LBH: variants seen among roughly 807,000 people sequenced by gnomAD.
The protein encoded by LBH is protein LBH.
LBH carries 7 observed loss-of-function variants against 12.5 expected under a neutral mutation model. The observed-to-expected ratio is 0.56, with a 90% confidence interval of 0.32 to 1.05. LBH has a LOEUF of 1.05. Ranked by LOEUF, LBH falls within the 50% of genes least tolerant of loss-of-function variation. The probability of loss-of-function intolerance (pLI) is 0.04; values close to 1 mark genes in which losing one functional copy is unlikely to be tolerated. For synonymous variants in LBH, 51 were observed against 50.1 expected (o/e 1.02, Z -0.08); for missense variants, 119 against 138.9 (o/e 0.86, Z 0.72).
At position 30,258,369 on chromosome 2, in the gene LBH, G is replaced by A. The variant is rs1232290940; in HGVS notation, c.*748G>A. 1 of 152,326 alleles carries A rather than the reference G, an allele frequency of 6.6e-6. No individual in the cohort carries two copies. Among genetic ancestry groups the A allele is most frequent in the African/African-American group, 2.4e-5 (1 of 41,452 alleles). 9.4% of individuals were successfully genotyped at this position (152,326 alleles called of 1,614,324 possible). On this transcript the variant is annotated 3_prime_UTR_variant, in exon 3 of 3. Transcript: ENST00000395323. ...CATAGCCAGTGTGATCGGTTTTTAA[G>A]AGGCAGTGCTTTTCAGCTTTTCTCC...
rs1553335658 is a variant in LBH, at chr2:30,257,807, A to G, written c.*186A>G. The G allele has an allele frequency of 9.9e-6, 4 of 404,542 alleles. No individual in the cohort carries two copies. In the East Asian group the frequency reaches 1.7e-4, roughly 18 times the overall value. The allele number at this position is 404,542 out of a possible 1,614,324, so 25.1% of individuals were successfully genotyped here. On this transcript the variant is annotated 3_prime_UTR_variant, in exon 3 of 3. Transcript: ENST00000395323. Reference sequence around the variant, plus strand: ...TTTCTTGCCTTTTTTTTTTTTTGAAATTTGCCGAGCAGTGGAGCCCTCTGA... The same window carrying G: ...TTTCTTGCCTTTTTTTTTTTTTGAAGTTTGCCGAGCAGTGGAGCCCTCTGA...
At chr2:30,250,445 G>A (rs1055169068) in intron 2 of LBH, among the ~76,000 whole-genome samples, 5 of 151,488 alleles carry the variant, frequency 3.3e-5, no homozygotes, top group Non-Finnish European at 7.4e-5. Context: ...AGCATCTCTC[G>A]GCTCTTTGCA....
At chr2:30,255,097 A>G (rs1349866463) in intron 2 of LBH, among the ~76,000 whole-genome samples, 2 of 152,176 alleles carry the variant, frequency 1.3e-5, no homozygotes, top group African/African-American at 2.4e-5. Context: ...GGGTCTTACT[A>G]TTCCTAGAGT....
chr2:30,234,316 TC>T, intron 1 of LBH, 88 bp from the exon 2 acceptor site: 2 of 993,310 alleles, frequency 2.0e-6, no homozygotes, highest in Non-Finnish European at 3.2e-6. Flanking sequence ...CTCCAGACAG[TC>T]CCCTGATCCC....
chr2:30,235,809 T>C (rs1324315863), intron 2 of LBH, among the ~76,000 whole-genome samples: 1 of 152,082 alleles, frequency 6.6e-6, no homozygotes, highest in Admixed American at 6.5e-5. Context: ...CAGACATGCT[T>C]GGGAGGCTAA....
intron 2 of LBH, among the ~76,000 whole-genome samples, chr2:30,247,168 T>C (rs1677885976): frequency 6.6e-6 from 1 of 152,176 alleles, no homozygotes; most frequent in Admixed American, 6.5e-5. Flanking sequence ...ATATCTGACA[T>C]CTTATCAATG....
chr2:30,250,190 A>G (rs115575320), intron 2 of LBH, among the ~76,000 whole-genome samples: 5,715 of 152,248 alleles, frequency 0.038, 148 homozygotes, highest in Middle Eastern at 0.086. Context: ...CTGCAACAAG[A>G]GAGGGTAGAA....
chr2:30,234,293 C>T (rs771648413), intron 1 of LBH, 112 bp from the exon 2 acceptor site: 3 of 842,860 alleles, frequency 3.6e-6, no homozygotes, highest in Non-Finnish European at 6.0e-6. Context: ...GTTTTGAACA[C>T]CTCTCTTCCT....
intron 2 of LBH, among the ~76,000 whole-genome samples, chr2:30,247,778 G>A (rs1572381307): frequency 2.6e-5 from 4 of 152,164 alleles, no homozygotes; most frequent in Non-Finnish European, 1.5e-5. Flanking sequence ...TTCATCAAGG[G>A]CATTAATTTT....
chr2:30,235,840 T>C (rs960939238), intron 2 of LBH, among the ~76,000 whole-genome samples: 2 of 152,178 alleles, frequency 1.3e-5, no homozygotes, highest in Non-Finnish European at 2.9e-5. Context: ...TTGTGTTGTC[T>C]ATATTGGCAG....
chr2:30,251,669 G>GAA (rs200828977), intron 2 of LBH, among the ~76,000 whole-genome samples: 2 of 111,014 alleles, frequency 1.8e-5, no homozygotes, highest in African/African-American at 3.5e-5. Flanking sequence ...CCTATCTCAA[G>GAA]AAAAAAAAAA....
chr2:30,252,372 T>G (rs11690883), intron 2 of LBH, among the ~76,000 whole-genome samples: 40,067 of 152,166 alleles, frequency 0.26, 5,779 homozygotes, highest in Middle Eastern at 0.41. Context: ...ATTAAACCTC[T>G]TTCCTTTAGG....
At chr2:30,251,321 T>C (rs1273998277) in intron 2 of LBH, among the ~76,000 whole-genome samples, 1 of 152,158 alleles carries the variant, frequency 6.6e-6, no homozygotes, top group Admixed American at 6.5e-5. Flanking sequence ...GAACATTCTT[T>C]TGGACAGCAC....
chr2:30,242,260 T>C (rs1486916573), intron 2 of LBH, among the ~76,000 whole-genome samples: 2 of 152,006 alleles, frequency 1.3e-5, no homozygotes, highest in Non-Finnish European at 2.9e-5. Context: ...TTTTTTTTTT[T>C]GGAGATAGAG....
chr2:30,257,167 C>T (rs564496821), intron 2 of LBH, among the ~76,000 whole-genome samples: 6 of 152,336 alleles, frequency 3.9e-5, no homozygotes, highest in African/African-American at 1.4e-4. Context: ...AACAGAATCA[C>T]ATCAACCTTT....
intron 1 of LBH, 81 bp from the exon 2 acceptor site, chr2:30,234,324 T>C (rs928464656): frequency 3.7e-6 from 4 of 1,071,452 alleles, no homozygotes; most frequent in Admixed American, 1.7e-5. Flanking sequence ...AGTCCCCTGA[T>C]CCCACAGCAG....
intron 2 of LBH, among the ~76,000 whole-genome samples, chr2:30,249,604 C>G (rs534519765): frequency 3.3e-4 from 50 of 152,302 alleles, no homozygotes; most frequent in Admixed American, 7.8e-4. Flanking sequence ...CCTGGGGAAA[C>G]AGAGCCACAG....
In LBH at chr2:30,258,881, C is replaced by T. The variant is rs1382490427; in HGVS notation, c.*1260C>T. On this transcript the variant is annotated 3_prime_UTR_variant, in exon 3 of 3. Coordinates refer to ENST00000395323, the MANE Select transcript of LBH (RefSeq NM_030915.4). ...GGACAAGGGCAGAAGGGAGGCATGG[C>T]AAGGGACCTCTGCTGTCCTTACTCA... 3.3e-5 allele frequency: 5 copies of T among 152,204 alleles called. No homozygotes were observed. The highest frequency in any genetic ancestry group is 1.2e-4 in the African/African-American group (5 of 41,430). The allele number at this position is 152,204 out of a possible 1,614,324, so 9.4% of individuals were successfully genotyped here. A position where few individuals can be genotyped will look rare whatever the true frequency, so the allele number is the denominator to read the frequency against.
intron 2 of LBH, among the ~76,000 whole-genome samples, chr2:30,240,750 A>AG (rs1388518825): frequency 1.3e-5 from 2 of 152,188 alleles, no homozygotes; most frequent in African/African-American, 4.8e-5. Context: ...AGCCCCCTCA[A>AG]GCCCCCTCTC....
Sources: allele counts gnomAD v4.1 joint callset (sites outside exome capture counted in the v4.1 genomes callset), GRCh38; gene constraint gnomAD v4.1.1; transcripts MANE v1.5; gene names NCBI Gene and HGNC (gene_info 2026-07-23, HGNC 2026-07-21).